Variants in FARS2 observed in about 807,000 individuals in gnomAD.
FARS2 encodes the protein phenylalanyl-tRNA synthetase 2, mitochondrial, also known as phenylalanine--tRNA ligase, mitochondrial.
FARS2 carries 40 observed loss-of-function variants against 46.4 expected under a neutral mutation model. The ratio of observed to expected loss-of-function variants is 0.86; its 90% CI spans 0.67 to 1.12. The LOEUF is 1.12. Ranked by LOEUF, FARS2 falls within the 50% of genes most tolerant of loss-of-function variation. The pLI is 0.00. For synonymous variants in FARS2, 234 were observed against 214.9 expected (o/e 1.09, Z -0.78); for missense variants, 513 against 567.9 (o/e 0.90, Z 0.98).
intron 4 of FARS2, among the ~76,000 whole-genome samples, chr6:5,493,110 G>C (rs1260993147): frequency 6.6e-6 from 1 of 151,552 alleles, no homozygotes; most frequent in Non-Finnish European, 1.5e-5. Context: ...TTGGGAGGCT[G>C]AGGCAGGAGA....
intron 1 of FARS2, among the ~76,000 whole-genome samples, chr6:5,279,201 C>T (rs962023085): frequency 6.6e-6 from 1 of 151,762 alleles, no homozygotes; most frequent in African/African-American, 2.4e-5. Context: ...CACGGTGAAA[C>T]CCCGTCTCTA....
intron 4 of FARS2, among the ~76,000 whole-genome samples, chr6:5,449,086 C>T (rs1431018991): frequency 5.3e-5 from 8 of 152,144 alleles, no homozygotes; most frequent in East Asian, 1.9e-4. Flanking sequence ...CCGTGGCTCA[C>T]GCCTGTAATC....
intron 4 of FARS2, among the ~76,000 whole-genome samples, chr6:5,503,415 G>C (rs890620980): frequency 5.1e-4 from 76 of 149,610 alleles, no homozygotes; most frequent in Middle Eastern, 3.5e-3. Flanking sequence ...CAGAGAGAGA[G>C]AGAGAGAGAG....
intron 3 of FARS2, among the ~76,000 whole-genome samples, chr6:5,425,067 C>G (rs1278697521): frequency 1.3e-5 from 2 of 152,168 alleles, no homozygotes; most frequent in Non-Finnish European, 2.9e-5. Context: ...GAGTGGCAAC[C>G]CTGATATTAG....
chr6:5,428,701 CAAA>C (rs1265422783), intron 3 of FARS2, among the ~76,000 whole-genome samples: 5 of 152,098 alleles, frequency 3.3e-5, no homozygotes, highest in African/African-American at 1.2e-4. Context: ...TTGTTGGTCC[CAAA>C]GATGGGCAGG....
intron 1 of FARS2, among the ~76,000 whole-genome samples, chr6:5,277,885 T>C (rs1426619424): frequency 6.6e-6 from 1 of 152,190 alleles, no homozygotes; most frequent in Non-Finnish European, 1.5e-5. Flanking sequence ...GGAATATCAC[T>C]GTACCCAGTC....
upstream of FARS2, among the ~76,000 whole-genome samples, chr6:5,259,932 T>C (rs958048831): frequency 3.9e-5 from 6 of 151,920 alleles, no homozygotes; most frequent in African/African-American, 1.5e-4. Context: ...AGAGTAACAA[T>C]AAAAGACTCA....
At chr6:5,279,386 AAG>A (rs369922562) in intron 1 of FARS2, among the ~76,000 whole-genome samples, 79,674 of 122,410 alleles carry the variant, frequency 0.65, 26,987 homozygotes, top group East Asian at 0.79. Flanking sequence ...AAAAAAAAAA[AAG>A]AAAAAGAAAA....
intron 1 of FARS2, among the ~76,000 whole-genome samples, chr6:5,309,612 A>T (rs917667073): frequency 6.6e-6 from 1 of 152,232 alleles, no homozygotes; most frequent in African/African-American, 2.4e-5. Context: ...GACAGCCAAA[A>T]TAATAAAATA....
chr6:5,257,239 C>T (rs1416261047), upstream of FARS2, among the ~76,000 whole-genome samples: 1 of 152,150 alleles, frequency 6.6e-6, no homozygotes, highest in East Asian at 1.9e-4. Flanking sequence ...ACCTCAGTGC[C>T]TTCCTGTCAC....
the FARS2 span, among the ~76,000 whole-genome samples, chr6:5,251,706 T>C: frequency 1.3e-5 from 2 of 152,202 alleles, no homozygotes; most frequent in African/African-American, 4.8e-5. Flanking sequence ...CATTTCAGCA[T>C]GAGATCTGGG....
chr6:5,439,698 C>T (rs1396173489), intron 4 of FARS2, among the ~76,000 whole-genome samples: 4 of 152,106 alleles, frequency 2.6e-5, no homozygotes, highest in African/African-American at 4.8e-5. Context: ...GTACTGGAAA[C>T]GTGGTGGTAT....
chr6:5,576,658 T>C (rs530557067), intron 5 of FARS2, among the ~76,000 whole-genome samples: 2 of 149,550 alleles, frequency 1.3e-5, no homozygotes, highest in African/African-American at 4.9e-5. Context: ...CTATTAGTTC[T>C]GTCCCTCTAG....
At chr6:5,435,328 C>T (rs1763457926) in intron 4 of FARS2, among the ~76,000 whole-genome samples, 1 of 152,224 alleles carries the variant, frequency 6.6e-6, no homozygotes, top group Non-Finnish European at 1.5e-5. Flanking sequence ...TGTGTGTTCT[C>T]TCCCTGTGAT....
At chr6:5,315,132 T>G (rs542591291) in intron 1 of FARS2, among the ~76,000 whole-genome samples, 13 of 152,236 alleles carry the variant, frequency 8.5e-5, no homozygotes, top group Non-Finnish European at 1.9e-4. Flanking sequence ...GTGACTTGGA[T>G]TTTAGGAATA....
intron 5 of FARS2, among the ~76,000 whole-genome samples, chr6:5,561,570 T>TG (rs2150536346): frequency 6.6e-6 from 1 of 152,318 alleles, no homozygotes; most frequent in South Asian, 2.1e-4. Context: ...TTATTTTGAG[T>TG]GATGTTTCAG....
intron 1 of FARS2, among the ~76,000 whole-genome samples, chr6:5,350,779 T>G (rs2127605370): frequency 1.3e-5 from 2 of 152,250 alleles, no homozygotes; most frequent in South Asian, 4.1e-4. Context: ...TGGGGAGAAA[T>G]TGGGTAAAGA....
chr6:5,662,525 G>A (rs555539161), intron 6 of FARS2, among the ~76,000 whole-genome samples: 2 of 152,300 alleles, frequency 1.3e-5, no homozygotes, highest in East Asian at 1.9e-4. Context: ...AAGCCCTGGA[G>A]GGAGGCATTA....
At chr6:5,476,309 A>G (rs970187555) in intron 4 of FARS2, among the ~76,000 whole-genome samples, 19 of 152,210 alleles carry the variant, frequency 1.2e-4, no homozygotes, top group South Asian at 8.3e-4. Context: ...CTGAGTGGGA[A>G]GCATACTAAT....
Sources: gnomAD v4.1 joint callset for allele counts (sites outside exome capture counted in the v4.1 genomes callset) on GRCh38, gnomAD v4.1.1 for gene constraint, MANE v1.5 for transcripts, NCBI Gene and HGNC (gene_info 2026-07-23, HGNC 2026-07-21) for gene names.